The following CENPW variants were observed in gnomAD, a reference collection of about 807,000 sequenced individuals.
The protein encoded by CENPW is centromere protein W.
CENPW carries 3 observed loss-of-function variants against 11.1 expected under a neutral mutation model. That is an observed-to-expected ratio of 0.27 (90% CI 0.12 to 0.70). The LOEUF (loss-of-function observed/expected upper bound fraction) is 0.70. Ranked by LOEUF, CENPW falls within the 30% of genes least tolerant of loss-of-function variation. CENPW has a pLI of 0.77. For synonymous variants in CENPW, 38 were observed against 42.0 expected (o/e 0.91, Z 0.37); for missense variants, 100 against 105.6 (o/e 0.95, Z 0.23).
At chr6:126,478,393 A>T in the CENPW span, among the ~76,000 whole-genome samples, 1 of 151,424 alleles carries the variant, frequency 6.6e-6, no homozygotes, top group East Asian at 1.9e-4. Context: ...ACTCCCTCCA[A>T]ATAGAAGTCT....
At chr6:126,447,365 T>C in the CENPW span, among the ~76,000 whole-genome samples, 8 of 151,138 alleles carry the variant, frequency 5.3e-5, no homozygotes, top group Admixed American at 5.3e-4. Flanking sequence ...AAATTATCAA[T>C]TGTGCTGTAA....
chr6:126,477,905 T>C, the CENPW span, among the ~76,000 whole-genome samples: 1 of 152,136 alleles, frequency 6.6e-6, no homozygotes, highest in South Asian at 2.1e-4. Context: ...CAACCGTCTT[T>C]TGCTTCTGCC....
At chr6:126,362,236 T>A in the CENPW span, among the ~76,000 whole-genome samples, 6 of 152,188 alleles carry the variant, frequency 3.9e-5, no homozygotes, top group Non-Finnish European at 8.8e-5. Flanking sequence ...CATCTATGGC[T>A]GCCCTTTGTT....
the CENPW span, among the ~76,000 whole-genome samples, chr6:126,441,250 G>A: frequency 1.3e-5 from 2 of 151,330 alleles, no homozygotes; most frequent in African/African-American, 4.8e-5. Context: ...GTGTTAAGCA[G>A]CAAGATGATA....
At chr6:126,394,488 A>G in the CENPW span, among the ~76,000 whole-genome samples, 2 of 152,006 alleles carry the variant, frequency 1.3e-5, no homozygotes, top group African/African-American at 2.4e-5. Flanking sequence ...TTATTTTACT[A>G]TCATGTCTTG....
chr6:126,452,273 T>A, the CENPW span, among the ~76,000 whole-genome samples: 2 of 151,136 alleles, frequency 1.3e-5, no homozygotes, highest in Non-Finnish European at 3.0e-5. Context: ...TCAACTTGCA[T>A]AGAGAAGAAC....
At chr6:126,419,486 C>T in the CENPW span, among the ~76,000 whole-genome samples, 14 of 152,084 alleles carry the variant, frequency 9.2e-5, no homozygotes, top group East Asian at 1.9e-4. Context: ...GTCCTTATGG[C>T]GTTTATATTC....
chr6:126,373,000 C>T, the CENPW span, among the ~76,000 whole-genome samples: 33 of 152,228 alleles, frequency 2.2e-4, 1 homozygote, highest in Middle Eastern at 3.4e-3. Flanking sequence ...GCTTTCTAAG[C>T]GAAATCTCAA....
chr6:126,351,725 A>G (rs1339227274), downstream of CENPW, among the ~76,000 whole-genome samples: 1 of 151,646 alleles, frequency 6.6e-6, no homozygotes, highest in East Asian at 1.9e-4. Flanking sequence ...TTTTGGCTTC[A>G]TGGTTATGGG....
chr6:126,342,373 T>C (rs1197616962), intron 1 of CENPW, among the ~76,000 whole-genome samples: 1 of 152,228 alleles, frequency 6.6e-6, no homozygotes, highest in Non-Finnish European at 1.5e-5. Context: ...TTTTCTGAAC[T>C]TGGACAGCAG....
At chr6:126,423,903 C>T in the CENPW span, among the ~76,000 whole-genome samples, 15 of 150,884 alleles carry the variant, frequency 9.9e-5, no homozygotes, top group African/African-American at 3.4e-4. Context: ...AGGTTAGTTA[C>T]ATATGTATAC....
chr6:126,383,293 A>G, the CENPW span, among the ~76,000 whole-genome samples: 1 of 152,222 alleles, frequency 6.6e-6, no homozygotes, highest in Admixed American at 6.5e-5. Flanking sequence ...ATGAAAAGAA[A>G]AGATCACTAC....
At chr6:126,412,327 G>A in the CENPW span, among the ~76,000 whole-genome samples, 1 of 151,688 alleles carries the variant, frequency 6.6e-6, no homozygotes, top group African/African-American at 2.4e-5. Flanking sequence ...TGTATTTAGA[G>A]TCTTGTTTTA....
the CENPW span, among the ~76,000 whole-genome samples, chr6:126,468,017 C>A: frequency 6.6e-6 from 1 of 151,988 alleles, no homozygotes; most frequent in South Asian, 2.1e-4. Flanking sequence ...AAATACGCAA[C>A]CAGTACTAAA....
At chr6:126,450,705 A>T in the CENPW span, among the ~76,000 whole-genome samples, 1,077 of 151,076 alleles carry the variant, frequency 7.1e-3, 12 homozygotes, top group African/African-American at 0.024. Context: ...GTATTATTCA[A>T]GCTTGCTTAC....
chr6:126,438,451 A>T, the CENPW span, among the ~76,000 whole-genome samples: 1 of 151,292 alleles, frequency 6.6e-6, no homozygotes, highest in Non-Finnish European at 1.5e-5. Context: ...TTTGATAGAA[A>T]AAATTAATAA....
At chr6:126,475,810 G>A in the CENPW span, among the ~76,000 whole-genome samples, 2 of 151,932 alleles carry the variant, frequency 1.3e-5, no homozygotes, top group African/African-American at 4.8e-5. Flanking sequence ...TAATATCTGA[G>A]GTTGCTTATG....
the CENPW span, among the ~76,000 whole-genome samples, chr6:126,459,765 G>C: frequency 6.6e-6 from 1 of 151,500 alleles, no homozygotes; most frequent in Non-Finnish European, 1.5e-5. Flanking sequence ...TATTAGAAGA[G>C]ATCACTCAAC....
At chr6:126,432,431 G>A in the CENPW span, among the ~76,000 whole-genome samples, 1 of 151,926 alleles carries the variant, frequency 6.6e-6, no homozygotes, top group African/African-American at 2.4e-5. Context: ...CCTCTCTAGG[G>A]GTATATACCA....
Sources: allele counts gnomAD v4.1 joint callset (sites outside exome capture counted in the v4.1 genomes callset), GRCh38; gene constraint gnomAD v4.1.1; transcripts MANE v1.5; gene names NCBI Gene and HGNC (gene_info 2026-07-23, HGNC 2026-07-21).